Variants in CAPN8 observed in about 807,000 individuals in gnomAD.
CAPN8 encodes calpain 8, also known as calpain-8.
CAPN8 carries 87 observed loss-of-function variants against 80.9 expected under a neutral mutation model. The observed-to-expected ratio is 1.07, with a 90% CI of 0.90 to 1.28. The LOEUF is 1.28. Ranked by LOEUF, CAPN8 falls within the 50% of genes most tolerant of loss-of-function variation. The pLI is 0.00. For missense variants in CAPN8, 757 were observed against 702.0 expected, an observed-to-expected ratio of 1.08 and a Z score of -0.89; for synonymous variants, 299 against 273.8, an observed-to-expected ratio of 1.09 and a Z score of -0.91.
intron 9 of CAPN8, chr1:223,618,183 G>T: frequency 2.0e-6 from 3 of 1,534,646 alleles, no homozygotes; most frequent in Non-Finnish European, 2.6e-6. Flanking sequence ...AGTAGAGAGA[G>T]CAGGATTTGC....
At chr1:223,556,678 C>T (rs1656912879) in intron 13 of CAPN8, among the ~76,000 whole-genome samples, 2 of 152,174 alleles carry the variant, frequency 1.3e-5, no homozygotes, top group South Asian at 2.1e-4. Flanking sequence ...CCAGTAGTGA[C>T]TAGGATTGAA....
At chr1:223,656,884 C>T (rs1171125075) in intron 1 of CAPN8, among the ~76,000 whole-genome samples, 2 of 151,868 alleles carry the variant, frequency 1.3e-5, no homozygotes, top group African/African-American at 4.8e-5. Flanking sequence ...TGGGGTTTCG[C>T]CTTGTTAACC....
At chr1:223,657,093 C>G (rs944726687) in intron 1 of CAPN8, among the ~76,000 whole-genome samples, 1 of 152,074 alleles carries the variant, frequency 6.6e-6, no homozygotes, top group African/African-American at 2.4e-5. Flanking sequence ...TATTTTCTTG[C>G]CATTTATTTA....
At chr1:223,645,371 C>A (rs183272606) in intron 2 of CAPN8, among the ~76,000 whole-genome samples, 62 of 152,250 alleles carry the variant, frequency 4.1e-4, no homozygotes, top group Non-Finnish European at 7.4e-4. Flanking sequence ...CACAGACACA[C>A]CCAGGAACAG....
At chr1:223,612,428 T>C (rs1657052643) in intron 10 of CAPN8, among the ~76,000 whole-genome samples, 171 bp from the exon 11 acceptor site, 1 of 152,138 alleles carries the variant, frequency 6.6e-6, no homozygotes, top group Non-Finnish European at 1.5e-5. Context: ...GGAACACTAC[T>C]GATGAATTTC....
chr1:223,619,183 G>T lies in CAPN8; in HGVS notation c.1135+110C>A, dbSNP rs1028182782. 9 of 1,275,768 alleles carry T rather than the reference G, an allele frequency of 7.1e-6. No homozygotes were observed. The African/African-American group carries it at 1.3e-4, about 19-fold the overall frequency. The allele number at this position is 1,275,768 out of a possible 1,614,324, so 79.0% of individuals were successfully genotyped here. On this transcript the variant is annotated intron_variant, in intron 9 of 20. Transcript: ENST00000366872. Reference sequence around the variant, plus strand: ...CACTCCAACCTGGGGAACAGAGCAAGGCCCTGTCTCAAAAAAACACACAAA... The same window carrying T: ...CACTCCAACCTGGGGAACAGAGCAATGCCCTGTCTCAAAAAAACACACAAA...
intron 9 of CAPN8, chr1:223,618,097 C>G: frequency 1.2e-6 from 1 of 819,180 alleles, no homozygotes; most frequent in South Asian, 1.7e-5. Context: ...TGGCCCTGCC[C>G]CATGCGCTTA....
At chr1:223,615,936 T>A (rs1387076271) in intron 10 of CAPN8, 34 bp downstream of exon 10, 16 of 1,551,012 alleles carry the variant, frequency 1.0e-5, no homozygotes, top group Non-Finnish European at 1.4e-5. Context: ...AAACATCAAG[T>A]GTATAATGAA....
intron 19 of CAPN8, among the ~76,000 whole-genome samples, chr1:223,543,369 G>A: frequency 6.8e-6 from 1 of 148,092 alleles, no homozygotes; most frequent in South Asian, 2.3e-4. Flanking sequence ...GGGATCAGAT[G>A]CCCCCCTGCC....
intron 6 of CAPN8, among the ~76,000 whole-genome samples, chr1:223,624,906 G>A (rs1198100191): frequency 8.6e-5 from 13 of 151,806 alleles, no homozygotes; most frequent in East Asian, 7.8e-4. Context: ...CATCCTGGCT[G>A]ACACAGTGAA....
chr1:223,661,914 C>T (rs897196331), intron 1 of CAPN8, among the ~76,000 whole-genome samples: 6 of 152,054 alleles, frequency 3.9e-5, no homozygotes, highest in African/African-American at 1.4e-4. Context: ...GTGGAAGCAA[C>T]CCAAGACCAA....
At chr1:223,556,976 AAG>A (rs1441132681) in intron 13 of CAPN8, among the ~76,000 whole-genome samples, 2 of 152,164 alleles carry the variant, frequency 1.3e-5, no homozygotes, top group Admixed American at 6.5e-5. Context: ...TCAGATCACC[AAG>A]AGTCACAAGC....
intron 14 of CAPN8, 93 bp downstream of exon 14, chr1:223,553,739 C>T (rs1358710378): frequency 1.0e-5 from 4 of 398,024 alleles, no homozygotes; most frequent in Non-Finnish European, 1.8e-5. Context: ...CCTTTTTATG[C>T]CTAGAGACCT....
chr1:223,627,321 T>G (rs1043846352), intron 4 of CAPN8, among the ~76,000 whole-genome samples, 164 bp from the exon 5 acceptor site: 10 of 152,238 alleles, frequency 6.6e-5, no homozygotes, highest in African/African-American at 2.4e-4. Context: ...CACTGTTTCA[T>G]GTGCCCAGCT....
chr1:223,609,094 C>T, intron 12 of CAPN8, 59 bp downstream of exon 12: 1 of 397,672 alleles, frequency 2.5e-6, no homozygotes, highest in Middle Eastern at 6.3e-4. Flanking sequence ...TGCATGGGGC[C>T]ATTTCCCTTC....
intron 2 of CAPN8, among the ~76,000 whole-genome samples, chr1:223,643,697 A>C (rs1204846756): frequency 6.6e-6 from 1 of 152,266 alleles, no homozygotes; most frequent in African/African-American, 2.4e-5. Flanking sequence ...CTACAGAAGC[A>C]CAGAGTTTCT....
At chr1:223,658,302 A>G (rs142159127) in intron 1 of CAPN8, among the ~76,000 whole-genome samples, 3 of 152,332 alleles carry the variant, frequency 2.0e-5, no homozygotes, top group Non-Finnish European at 4.4e-5. Context: ...GGGTTGGAAG[A>G]CAGAGTCATT....
At chr1:223,554,886 A>C (rs1278877478) in intron 13 of CAPN8, among the ~76,000 whole-genome samples, 1 of 152,276 alleles carries the variant, frequency 6.6e-6, no homozygotes, top group African/African-American at 2.4e-5. Context: ...TTCTGTCCAG[A>C]GACTTTCTGA....
intron 17 of CAPN8, 43 bp from the exon 18 acceptor site, chr1:223,544,893 G>T (rs987963250): frequency 1.9e-6 from 3 of 1,550,786 alleles, no homozygotes; most frequent in Non-Finnish European, 1.7e-6. Context: ...AACCATTCAC[G>T]GCCCCTGCCA....
Sources: gnomAD v4.1 joint callset for allele counts (sites outside exome capture counted in the v4.1 genomes callset) on GRCh38, gnomAD v4.1.1 for gene constraint, MANE v1.5 for transcripts, NCBI Gene and HGNC (gene_info 2026-07-23, HGNC 2026-07-21) for gene names.